Variants in STXBP6 observed in about 807,000 individuals in gnomAD.
STXBP6 encodes the protein syntaxin binding protein 6, also known as syntaxin-binding protein 6.
A neutral mutation model predicts 26.9 loss-of-function variants in STXBP6; 21 were observed. That is an observed-to-expected ratio of 0.78 (90% confidence interval 0.55 to 1.12). The LOEUF (loss-of-function observed/expected upper bound fraction) is 1.12, where lower values mean the gene tolerates loss of function less well. Ranked by LOEUF, STXBP6 falls within the 50% of genes most tolerant of loss-of-function variation. The probability of loss-of-function intolerance (pLI) is 0.00; values close to 1 mark genes in which losing one functional copy is unlikely to be tolerated. For missense variants in STXBP6, 232 were observed against 257.9 expected (o/e 0.90, Z 0.69); for synonymous variants, 97 against 92.6 (o/e 1.05, Z -0.27).
intron 2 of STXBP6, among the ~76,000 whole-genome samples, chr14:24,903,637 T>C (rs2071289571): frequency 6.6e-6 from 1 of 152,212 alleles, no homozygotes; most frequent in Non-Finnish European, 1.5e-5. Flanking sequence ...AGTGACATTT[T>C]GCCATTGTCA....
rs192661585 is a variant in STXBP6, at chr14:24,842,344, T to C, written c.451+13592A>G. Among the ~76,000 whole-genome samples the C allele has an allele frequency of 1.7e-4, 26 of 152,360 alleles. No individual in the cohort carries two copies. In the East Asian group the frequency reaches 4.6e-3, roughly 27 times the overall value. On this transcript the variant is annotated intron_variant, in intron 4 of 5. Coordinates refer to ENST00000323944, the MANE Select transcript of STXBP6 (RefSeq NM_001394410.1). ...ATGGGTGCACTTGTAGTCCCTATAGTAGCATGGAATTCAAACTTCTTCCTT... is the reference window on the plus strand; with the variant it reads ...ATGGGTGCACTTGTAGTCCCTATAGCAGCATGGAATTCAAACTTCTTCCTT...
At chr14:24,890,500 A>AG (rs1443861544) in intron 2 of STXBP6, among the ~76,000 whole-genome samples, 1 of 152,220 alleles carries the variant, frequency 6.6e-6, no homozygotes, top group African/African-American at 2.4e-5. Flanking sequence ...CTAAAAAAAA[A>AG]TTAATTCCAA....
chr14:25,015,217 C>G (rs1180902288), intron 1 of STXBP6, among the ~76,000 whole-genome samples: 1 of 152,060 alleles, frequency 6.6e-6, no homozygotes, highest in Non-Finnish European at 1.5e-5. Context: ...AAGAGAACTG[C>G]TTTAAAAAAA....
At chr14:24,840,358 G>C (rs2068749856) in intron 4 of STXBP6, among the ~76,000 whole-genome samples, 1 of 152,146 alleles carries the variant, frequency 6.6e-6, no homozygotes, top group Non-Finnish European at 1.5e-5. Context: ...TCCTCAACAA[G>C]ATGCGACCAC....
At chr14:24,836,952 G>A (rs1471888122) in intron 4 of STXBP6, among the ~76,000 whole-genome samples, 1 of 152,060 alleles carries the variant, frequency 6.6e-6, no homozygotes, top group Non-Finnish European at 1.5e-5. Flanking sequence ...GCATTAGTTC[G>A]ACAAAATGTA....
chr14:25,009,222 CA>C (rs2074975587), intron 1 of STXBP6, among the ~76,000 whole-genome samples: 1 of 152,142 alleles, frequency 6.6e-6, no homozygotes, highest in Non-Finnish European at 1.5e-5. Flanking sequence ...AATGAAATTT[CA>C]AAACAGTTCA....
intron 4 of STXBP6, among the ~76,000 whole-genome samples, chr14:24,824,224 C>T (rs566787278): frequency 2.0e-5 from 3 of 152,298 alleles, no homozygotes; most frequent in South Asian, 2.1e-4. Context: ...GGCTCCCTGA[C>T]AGCCTGGTCT....
intron 2 of STXBP6, among the ~76,000 whole-genome samples, chr14:24,928,152 C>T (rs2072246894): frequency 6.6e-6 from 1 of 152,124 alleles, no homozygotes; most frequent in Non-Finnish European, 1.5e-5. Context: ...TCTCACTTTC[C>T]TTAGGAAACC....
chr14:24,838,577 G>A (rs549949755), intron 4 of STXBP6, among the ~76,000 whole-genome samples: 2 of 152,134 alleles, frequency 1.3e-5, no homozygotes, highest in East Asian at 1.9e-4. Flanking sequence ...CCAGCTATTC[G>A]GGAGGCTGAG....
At chr14:24,955,708 C>T (rs1310093925) in intron 2 of STXBP6, among the ~76,000 whole-genome samples, 1 of 151,946 alleles carries the variant, frequency 6.6e-6, no homozygotes, top group African/African-American at 2.4e-5. Flanking sequence ...GGAATCTGGC[C>T]CTGCTTCCCC....
intron 1 of STXBP6, among the ~76,000 whole-genome samples, chr14:25,005,645 T>C (rs1775736286): frequency 6.6e-6 from 1 of 152,226 alleles, no homozygotes; most frequent in Admixed American, 6.5e-5. Context: ...ACTACACTTT[T>C]GTGGAGTCAA....
At chr14:24,895,495 C>T (rs1241591) in intron 2 of STXBP6, among the ~76,000 whole-genome samples, 51,351 of 152,052 alleles carry the variant, frequency 0.34, 8,791 homozygotes, top group African/African-American at 0.41. Flanking sequence ...TAAGAGCTCC[C>T]GTAGCACTCA....
At chr14:24,872,593 T>C (rs2069977885) in intron 2 of STXBP6, among the ~76,000 whole-genome samples, 1 of 152,318 alleles carries the variant, frequency 6.6e-6, no homozygotes, top group East Asian at 1.9e-4. Flanking sequence ...TTGATGTTGT[T>C]ACAAGGATAG....
intron 2 of STXBP6, among the ~76,000 whole-genome samples, chr14:24,951,383 A>G (rs964952355): frequency 2.0e-5 from 3 of 151,884 alleles, no homozygotes; most frequent in African/African-American, 7.3e-5. Flanking sequence ...CTATTTCTCC[A>G]CATCCTCTCC....
chr14:24,955,217 G>A (rs1477194583), intron 2 of STXBP6, among the ~76,000 whole-genome samples: 1 of 152,154 alleles, frequency 6.6e-6, no homozygotes, highest in Non-Finnish European at 1.5e-5. Flanking sequence ...ACTTAACTGG[G>A]TCATCCTCTT....
At chr14:25,038,398 T>C (rs919714692) in intron 1 of STXBP6, among the ~76,000 whole-genome samples, 1 of 152,142 alleles carries the variant, frequency 6.6e-6, no homozygotes, top group Non-Finnish European at 1.5e-5. Flanking sequence ...CCCATGTTCA[T>C]CAAAAGACAT....
At chr14:24,925,931 A>G (rs1002317711) in intron 2 of STXBP6, among the ~76,000 whole-genome samples, 25 of 152,308 alleles carry the variant, frequency 1.6e-4, no homozygotes, top group Middle Eastern at 3.4e-3. Context: ...AAGTTCAGAG[A>G]ATGTATTATA....
intron 2 of STXBP6, among the ~76,000 whole-genome samples, chr14:24,938,846 T>C (rs2072697000): frequency 6.6e-6 from 1 of 152,184 alleles, no homozygotes; most frequent in Admixed American, 6.5e-5. Flanking sequence ...ACTTTGCTGG[T>C]TTAAGGCACT....
chr14:25,022,482 C>T (rs1267428544), intron 1 of STXBP6, among the ~76,000 whole-genome samples: 1 of 152,166 alleles, frequency 6.6e-6, no homozygotes, highest in African/African-American at 2.4e-5. Context: ...TCACACACTT[C>T]ATCTAGGGTC....
Sources: allele counts gnomAD v4.1 joint callset (sites outside exome capture counted in the v4.1 genomes callset), GRCh38; gene constraint gnomAD v4.1.1; transcripts MANE v1.5; gene names NCBI Gene and HGNC (gene_info 2026-07-23, HGNC 2026-07-21).